The following AUTS2 variants were observed in gnomAD, a reference collection of about 807,000 sequenced individuals.
AUTS2 encodes autism susceptibility gene 2 protein.
A neutral mutation model predicts 112.4 loss-of-function variants in AUTS2; 17 were observed. The observed-to-expected ratio is 0.15, with a 90% CI of 0.10 to 0.23. The LOEUF (loss-of-function observed/expected upper bound fraction) is 0.23. Among genes scored for constraint, AUTS2 ranks in the 10% least tolerant of loss-of-function variants. The pLI is 1.00. For synonymous variants in AUTS2, 751 were observed against 702.7 expected (o/e 1.07, Z -1.09); for missense variants, 1,510 against 1,701.6 (o/e 0.89, Z 1.98).
Position 70,684,527 on chromosome 7 carries a change from G to T in AUTS2, c.691-14042G>T, listed in dbSNP as rs958973897. On this transcript the variant is annotated intron_variant, in intron 5 of 18. Coordinates refer to ENST00000342771, the MANE Select transcript of AUTS2 (RefSeq NM_015570.4). ...AGGATGGTGTGGTGTGGTATGGTGT[G>T]GCGTGATGTGGTGTGGTGTGGCGTG... Among the ~76,000 whole-genome samples, 33 of 151,500 alleles carry T rather than the reference G, an allele frequency of 2.2e-4. 1 individual carries two copies. The highest frequency in any genetic ancestry group is 4.4e-5 in the Non-Finnish European group (3 of 67,970).
rs1387729019 is a variant in AUTS2, at chr7:69,599,429, C to T, written c.-225C>T. The T allele has an allele frequency of 5.1e-6, 2 of 394,628 alleles. No individual in the cohort carries two copies. The highest frequency in any genetic ancestry group is 7.9e-5 in the East Asian group (2 of 25,236). 24.4% of individuals were successfully genotyped at this position (394,628 alleles called of 1,614,324 possible). On this transcript the variant is annotated 5_prime_UTR_variant, in exon 1 of 19. Transcript: ENST00000342771. The surrounding 1 kb of genome is among the most constrained non-coding windows in gnomAD (Gnocchi z 7.0). ...CCACACTTGGGCTCCTCGCCTCTCG[C>T]CCTCGCTCCCCGTCCCTCCTCCCCT...
intron 4 of AUTS2, among the ~76,000 whole-genome samples, chr7:70,431,387 GT>G (rs890000952): frequency 4.6e-5 from 7 of 151,866 alleles, no homozygotes; most frequent in African/African-American, 9.7e-5. Context: ...CAGTAAATAT[GT>G]TTTTTTTGTT....
chr7:70,454,876 G>T (rs1796672803), intron 5 of AUTS2, among the ~76,000 whole-genome samples: 2 of 152,204 alleles, frequency 1.3e-5, no homozygotes, highest in Non-Finnish European at 2.9e-5. Context: ...CTGTGGCAAA[G>T]ATGAAATGCA....
intron 4 of AUTS2, among the ~76,000 whole-genome samples, chr7:70,145,170 A>G (rs1807065294): frequency 6.6e-6 from 1 of 151,986 alleles, no homozygotes; most frequent in African/African-American, 2.4e-5. Context: ...ATTTCTTTCC[A>G]TTGGTGATTC....
chr7:70,790,483 G>A lies in AUTS2; in HGVS notation c.3267G>A (p.Pro1089=), dbSNP rs1327407795. Residue 1089 remains proline (P), a synonymous_variant, in exon 19 of 19, where the codon CCG becomes CCA. Transcript: ENST00000342771. This position sits in a 1 kb window ranked among gnomAD's most constrained non-coding sequence, Gnocchi z 7.6. The part of the protein sequence containing the change: ...YRELDIHRRD[P]LGRDFLLRND... Reference sequence around the variant, plus strand: ...AACTTGACATTCACCGGAGAGACCCGCTGGGCAGGGACTTCCTGCTAAGGA... The same window carrying A: ...AACTTGACATTCACCGGAGAGACCCACTGGGCAGGGACTTCCTGCTAAGGA... 1.2e-6 allele frequency: 2 copies of A among 1,612,278 alleles called. No individual in the cohort carries two copies. Among genetic ancestry groups the A allele is most frequent in the Admixed American group, 1.7e-5 (1 of 59,954 alleles).
At chr7:70,496,642 C>CCA (rs1798532897) in intron 5 of AUTS2, among the ~76,000 whole-genome samples, 5 of 142,080 alleles carry the variant, frequency 3.5e-5, no homozygotes, top group African/African-American at 7.8e-5. Flanking sequence ...CACACACACC[C>CCA]CACACATGCA....
chr7:70,089,082 T>A (rs1803771021), intron 2 of AUTS2, among the ~76,000 whole-genome samples: 1 of 152,228 alleles, frequency 6.6e-6, no homozygotes, highest in Non-Finnish European at 1.5e-5. Context: ...GTCGTTGGGC[T>A]GAATGTTCTA....
intron 6 of AUTS2, among the ~76,000 whole-genome samples, chr7:70,744,880 C>G (rs1488139178): frequency 1.3e-5 from 2 of 152,124 alleles, no homozygotes; most frequent in Non-Finnish European, 2.9e-5. Flanking sequence ...GGCAAAGGAG[C>G]AGGGGACGGT....
intron 5 of AUTS2, among the ~76,000 whole-genome samples, chr7:70,446,666 C>A (rs187444284): frequency 6.6e-6 from 1 of 152,132 alleles, no homozygotes; most frequent in Admixed American, 6.5e-5. Flanking sequence ...TTGCCATAAC[C>A]GAGTATGACA....
chr7:70,217,473 C>T (rs905763160), intron 4 of AUTS2, among the ~76,000 whole-genome samples: 1 of 152,156 alleles, frequency 6.6e-6, no homozygotes, highest in Non-Finnish European at 1.5e-5. Context: ...CTGAGTGGCA[C>T]CCACTTTTCA....
chr7:70,545,180 C>A (rs779657189), intron 5 of AUTS2, among the ~76,000 whole-genome samples: 12 of 152,182 alleles, frequency 7.9e-5, no homozygotes, highest in Non-Finnish European at 1.5e-4. Context: ...AAGGGAAAGT[C>A]CCACTGTAAT....
chr7:69,985,074 T>C (rs1798449483), intron 2 of AUTS2, among the ~76,000 whole-genome samples: 1 of 151,966 alleles, frequency 6.6e-6, no homozygotes, highest in Non-Finnish European at 1.5e-5. Context: ...AGGTACATTT[T>C]GGGCAGTAAA....
At chr7:69,976,714 A>G (rs945794745) in intron 2 of AUTS2, among the ~76,000 whole-genome samples, 6 of 152,154 alleles carry the variant, frequency 3.9e-5, no homozygotes, top group Non-Finnish European at 7.4e-5. Flanking sequence ...TGATGTTGAG[A>G]ATCTTTGTTG....
In AUTS2 at chr7:70,736,298, A is replaced by G. The variant is rs1178803438; in HGVS notation, c.743-26572A>G. On this transcript the variant is annotated intron_variant, in intron 6 of 18. Transcript: ENST00000342771. The stretch of plus-strand genomic sequence containing the variant: ...AAAAAAAGCCAGCAGAAAAATCAAT[A>G]GATCATATCAATCACTCCTCTAGAA... 3.3e-5 allele frequency among the ~76,000 whole-genome samples: 5 copies of G among 152,244 alleles called. No individual in the cohort carries two copies. In the East Asian group the frequency reaches 9.6e-4, roughly 29 times the overall value.
chr7:70,309,600 T>C (rs1789645129), intron 4 of AUTS2, among the ~76,000 whole-genome samples: 1 of 152,202 alleles, frequency 6.6e-6, no homozygotes, highest in Non-Finnish European at 1.5e-5. Flanking sequence ...CTTAAAGAGA[T>C]TGCAGATACT....
Position 70,185,257 on chromosome 7 carries a change from C to CTTTTTTTTTTTTTTT in AUTS2, c.660+50699_660+50713dup, listed in dbSNP as rs35215443. Among the ~76,000 whole-genome samples the CTTTTTTTTTTTTTTT allele has an allele frequency of 5.5e-4, 48 of 87,118 alleles. 2 individuals are homozygous for CTTTTTTTTTTTTTTT. Among genetic ancestry groups the CTTTTTTTTTTTTTTT allele is most frequent in the Middle Eastern group, 9.3e-3 (1 of 108 alleles). 57.2% of individuals were successfully genotyped at this position (87,118 alleles called of 152,430 possible). ...TGCTTTGGGCCTAAATGACATTAAA[C>CTTTTTTTTTTTTTTT]TTTTTTTTTTTTTTTTTTTTTTTTT... is the stretch of plus-strand genomic sequence containing the variant. On this transcript the variant is annotated intron_variant, in intron 4 of 18. Coordinates refer to ENST00000342771, the MANE Select transcript of AUTS2 (RefSeq NM_015570.4).
chr7:70,480,040 TC>T (rs1412822775), intron 5 of AUTS2, among the ~76,000 whole-genome samples: 1 of 152,238 alleles, frequency 6.6e-6, no homozygotes, highest in Non-Finnish European at 1.5e-5. Context: ...GGTATGGCTG[TC>T]TGGGAACTCT....
rs146683183 is a variant in AUTS2, at chr7:69,604,401, A to G, written c.309+4439A>G. Among the ~76,000 whole-genome samples the G allele has an allele frequency of 8.0e-3, 1,224 of 152,368 alleles. 12 individuals are homozygous for G. The highest frequency in any genetic ancestry group is 0.014 in the Middle Eastern group (4 of 294). ...AAGAATATAGAGAAACCAAACATAA[A>G]TCTAGCGTTTTGAGAAAGTATGTAG... On this transcript the variant is annotated intron_variant, in intron 1 of 18. Coordinates refer to ENST00000342771, the MANE Select transcript of AUTS2 (RefSeq NM_015570.4).
intron 5 of AUTS2, among the ~76,000 whole-genome samples, chr7:70,617,956 A>T (rs1215976176): frequency 6.6e-6 from 1 of 152,182 alleles, no homozygotes; most frequent in Non-Finnish European, 1.5e-5. Context: ...TTTCTGCTTC[A>T]CATCTCCAGA....
Sources: gnomAD v4.1 joint callset for allele counts (sites outside exome capture counted in the v4.1 genomes callset) on GRCh38, gnomAD v4.1.1 for gene constraint, Gnocchi (gnomAD v3.1) non-coding constraint, MANE v1.5 for transcripts, NCBI Gene and HGNC (gene_info 2026-07-23, HGNC 2026-07-21) for gene names.